Variants in KAT6A observed in about 807,000 individuals in gnomAD.
The protein encoded by KAT6A is lysine acetyltransferase 6A, also known as histone acetyltransferase KAT6A.
A neutral mutation model predicts 198.4 loss-of-function variants in KAT6A; 9 were observed. That is an observed-to-expected ratio of 0.05 (90% CI 0.03 to 0.08). The LOEUF is 0.08. KAT6A is among the 10% of genes least tolerant of loss of function. The pLI, the probability that KAT6A is intolerant of heterozygous loss-of-function variation, is 1.00. For synonymous variants in KAT6A, 890 were observed against 883.0 expected (o/e 1.01, Z -0.14); for missense variants, 2,077 against 2,509.9 (o/e 0.83, Z 3.69).
chr8:42,005,635 A>G (rs1241548786), intron 2 of KAT6A, among the ~76,000 whole-genome samples: 1 of 152,178 alleles, frequency 6.6e-6, no homozygotes, highest in African/African-American at 2.4e-5. Flanking sequence ...AGAGGGAGTG[A>G]GGTTGGAAGG....
At chr8:42,019,163 T>C (rs1011340592) in intron 2 of KAT6A, among the ~76,000 whole-genome samples, 3 of 152,244 alleles carry the variant, frequency 2.0e-5, no homozygotes, top group Non-Finnish European at 2.9e-5. Context: ...CTAAGACTTT[T>C]AGTTCTACAA....
At chr8:42,002,623 C>T (rs1010893159) in intron 2 of KAT6A, among the ~76,000 whole-genome samples, 5 of 152,048 alleles carry the variant, frequency 3.3e-5, no homozygotes, top group Admixed American at 6.6e-5. Flanking sequence ...TAAACACAGA[C>T]GAGTCCACAG....
At chr8:42,041,511 CG>C (rs1403228031) in intron 2 of KAT6A, among the ~76,000 whole-genome samples, 1 of 152,028 alleles carries the variant, frequency 6.6e-6, no homozygotes, top group Non-Finnish European at 1.5e-5. Flanking sequence ...CGGAGGTGGG[CG>C]GATCACCTGA....
At chr8:42,029,331 C>T (rs1826993124) in intron 2 of KAT6A, among the ~76,000 whole-genome samples, 4 of 152,086 alleles carry the variant, frequency 2.6e-5, no homozygotes, top group Non-Finnish European at 2.9e-5. Context: ...TTGTAAGATT[C>T]GAAAACTTTT....
intron 8 of KAT6A, among the ~76,000 whole-genome samples, chr8:41,973,464 C>T (rs1823900413): frequency 6.6e-6 from 1 of 152,132 alleles, no homozygotes; most frequent in South Asian, 2.1e-4. Context: ...AAGTGATCCA[C>T]CCGCCTCGGC....
chr8:41,937,711 C>T (rs1821924464), intron 15 of KAT6A, 143 bp from the exon 16 acceptor site: 1 of 625,508 alleles, frequency 1.6e-6, no homozygotes, highest in African/African-American at 1.8e-5. Flanking sequence ...AATATTATTT[C>T]AAAATACTAT....
intron 8 of KAT6A, chr8:41,957,957 C>T (rs1314457597): frequency 6.6e-6 from 1 of 152,380 alleles, no homozygotes; most frequent in African/African-American, 2.4e-5. Flanking sequence ...GAGCTGCTGC[C>T]TTCCCCCATC....
intron 8 of KAT6A, among the ~76,000 whole-genome samples, chr8:41,955,772 A>AG (rs1185884349): frequency 6.6e-6 from 1 of 152,210 alleles, no homozygotes; most frequent in African/African-American, 2.4e-5. Flanking sequence ...CAAGTGAGGG[A>AG]GGGGGACACT....
At chr8:42,013,095 T>A (rs1826097056) in intron 2 of KAT6A, among the ~76,000 whole-genome samples, 2 of 151,578 alleles carry the variant, frequency 1.3e-5, no homozygotes, top group Admixed American at 6.6e-5. Context: ...TAGTGGATAA[T>A]GGATCTTTCC....
chr8:41,982,075 C>A (rs1460775204), intron 3 of KAT6A, 121 bp from the exon 4 acceptor site: 1 of 598,752 alleles, frequency 1.7e-6, no homozygotes. Context: ...TCAAATAAAG[C>A]AAGATGCACC....
At chr8:42,020,360 A>T (rs987627998) in intron 2 of KAT6A, among the ~76,000 whole-genome samples, 12 of 152,210 alleles carry the variant, frequency 7.9e-5, no homozygotes, top group African/African-American at 2.7e-4. Context: ...TTCTACGTCT[A>T]TTGGGAACCT....
intron 2 of KAT6A, among the ~76,000 whole-genome samples, chr8:42,032,938 G>A (rs1293792411): frequency 2.7e-5 from 4 of 146,054 alleles, no homozygotes; most frequent in African/African-American, 7.8e-5. Context: ...GAGTGCAGTG[G>A]TGGTCATCTC....
intron 2 of KAT6A, among the ~76,000 whole-genome samples, chr8:42,032,668 C>T (rs1827185656): frequency 6.6e-6 from 1 of 152,030 alleles, no homozygotes. Context: ...TTGGAGCTTA[C>T]ACAGCACATT....
rs1332615971 is a variant in KAT6A at position 41,980,998 on chromosome 8, T to C, written c.826-71A>G. 6.7e-6 allele frequency: 7 copies of C among 1,042,730 alleles called. No individual in the cohort carries two copies. In the African/African-American group the frequency reaches 1.1e-4, roughly 16 times the overall value. 64.6% of individuals were successfully genotyped at this position (1,042,730 alleles called of 1,614,324 possible). ...GAAACATGTTACGATCATGACTGCA[T>C]AAAACCTAGAAAGCTTCAGGGATCT... On this transcript the variant is annotated intron_variant, in intron 4 of 16. Coordinates refer to ENST00000265713, the MANE Select transcript of KAT6A (RefSeq NM_006766.5).
intron 2 of KAT6A, among the ~76,000 whole-genome samples, chr8:42,005,659 G>A (rs554574626): frequency 6.6e-6 from 1 of 152,248 alleles, no homozygotes; most frequent in African/African-American, 2.4e-5. Context: ...GGGAAGAGGA[G>A]AAAAACTGTT....
intron 2 of KAT6A, among the ~76,000 whole-genome samples, chr8:42,022,940 T>G (rs1826622087): frequency 6.6e-6 from 1 of 152,198 alleles, no homozygotes; most frequent in African/African-American, 2.4e-5. Flanking sequence ...TGCTGAGAAA[T>G]ATGTCATTAG....
chr8:42,049,146 T>C lies in KAT6A; in HGVS notation c.-169A>G, dbSNP rs1028251757. ...TTCACAAAACAGAATGCCACCCCAA[T>C]TGTACTATAGAAACCAAAACAACCT... On this transcript the variant is annotated 5_prime_UTR_variant, in exon 2 of 17. Transcript: ENST00000265713. The C allele has an allele frequency of 8.8e-6, 6 of 680,924 alleles. No homozygotes were observed. The highest frequency in any genetic ancestry group is 2.7e-5 in the Admixed American group (1 of 37,388). The allele number at this position is 680,924 out of a possible 1,614,324, so 42.2% of individuals were successfully genotyped here. A position where few individuals can be genotyped will look rare whatever the true frequency, so the allele number is the denominator to read the frequency against.
At chr8:42,025,375 C>T (rs911507002) in intron 2 of KAT6A, among the ~76,000 whole-genome samples, 4 of 151,834 alleles carry the variant, frequency 2.6e-5, no homozygotes, top group African/African-American at 9.7e-5. Flanking sequence ...CCATGCCTGG[C>T]TAATTTTTTG....
intron 2 of KAT6A, among the ~76,000 whole-genome samples, chr8:42,029,614 G>C (rs1459190910): frequency 6.6e-6 from 1 of 150,508 alleles, no homozygotes. Flanking sequence ...GCCCAGACTG[G>C]AGTGCAGTGG....
Sources: gnomAD v4.1 joint callset for allele counts (sites outside exome capture counted in the v4.1 genomes callset) on GRCh38, gnomAD v4.1.1 for gene constraint, MANE v1.5 for transcripts, NCBI Gene and HGNC (gene_info 2026-07-23, HGNC 2026-07-21) for gene names.